Variants in PARD6G observed in about 807,000 individuals in gnomAD.
PARD6G encodes partitioning defective 6 homolog gamma.
A neutral mutation model predicts 10.7 loss-of-function variants in PARD6G; 7 were observed. The ratio of observed to expected loss-of-function variants is 0.66; its 90% CI spans 0.37 to 1.23. The LOEUF (loss-of-function observed/expected upper bound fraction) is 1.23. Among genes scored for constraint, PARD6G ranks in the 50% most tolerant of loss-of-function variants. The probability of loss-of-function intolerance (pLI) is 0.02; values close to 1 mark genes in which losing one functional copy is unlikely to be tolerated. For missense variants in PARD6G, 548 were observed against 571.8 expected (o/e 0.96, Z 0.42); for synonymous variants, 287 against 269.4 (o/e 1.07, Z -0.64).
At chr18:80,216,220 G>A (rs1396424367) in intron 1 of PARD6G, among the ~76,000 whole-genome samples, 1 of 152,032 alleles carries the variant, frequency 6.6e-6, no homozygotes, top group African/African-American at 2.4e-5. Context: ...AATAAAACTA[G>A]GCAGAAGATC....
intron 1 of PARD6G, among the ~76,000 whole-genome samples, chr18:80,237,487 C>G (rs975893251): frequency 6.6e-6 from 1 of 152,146 alleles, no homozygotes; most frequent in Non-Finnish European, 1.5e-5. Context: ...CAACAAAAGC[C>G]AAAATTCGCA....
chr18:80,215,398 T>A lies in PARD6G; in HGVS notation c.73-12466A>T, dbSNP rs559338148. Among the ~76,000 whole-genome samples the A allele has an allele frequency of 1.0e-3, 159 of 152,320 alleles. 1 individual carries two copies. The highest frequency in any genetic ancestry group is 3.6e-3 in the African/African-American group (150 of 41,590). ...TTTGTTTGCTTGTAACTCATTCTTC[T>A]GATTTAAAAGGACAACTGCAGAAAA... is the stretch of plus-strand genomic sequence containing the variant. On this transcript the variant is annotated intron_variant, in intron 1 of 2. Coordinates refer to ENST00000353265, the MANE Select transcript of PARD6G (RefSeq NM_032510.4).
chr18:80,205,183 A>C (rs532521566), intron 1 of PARD6G, among the ~76,000 whole-genome samples: 73 of 152,186 alleles, frequency 4.8e-4, no homozygotes, highest in African/African-American at 1.6e-3. Flanking sequence ...AAACCCTTGA[A>C]ATCTCTCCCC....
At chr18:80,245,513 G>A (rs1967534192) in intron 1 of PARD6G, among the ~76,000 whole-genome samples, 1 of 152,092 alleles carries the variant, frequency 6.6e-6, no homozygotes, top group Non-Finnish European at 1.5e-5. Flanking sequence ...GACCCGCTAA[G>A]GTCTGTGTCC....
intron 2 of PARD6G, among the ~76,000 whole-genome samples, chr18:80,166,792 C>T (rs1391112639): frequency 6.6e-6 from 1 of 151,694 alleles, no homozygotes; most frequent in Admixed American, 6.6e-5. Flanking sequence ...GTCTGGTCCT[C>T]CCCCGACCAT....
intron 2 of PARD6G, among the ~76,000 whole-genome samples, chr18:80,185,745 TGCTC>T (rs1228724232): frequency 7.7e-6 from 1 of 129,376 alleles, no homozygotes; most frequent in Non-Finnish European, 1.6e-5. Flanking sequence ...CACTCAGACA[TGCTC>T]GCACACCCTC....
At chr18:80,207,000 G>A (rs1967061226) in intron 1 of PARD6G, among the ~76,000 whole-genome samples, 1 of 150,456 alleles carries the variant, frequency 6.6e-6, no homozygotes, top group African/African-American at 2.4e-5. Flanking sequence ...GATGGCTAGT[G>A]ATTATCAATA....
At chr18:80,198,766 TG>T (rs1319325174) in intron 2 of PARD6G, among the ~76,000 whole-genome samples, 10 of 152,246 alleles carry the variant, frequency 6.6e-5, no homozygotes, top group Non-Finnish European at 1.5e-5. Flanking sequence ...GGCTGAATTT[TG>T]GAAATAAAGG....
chr18:80,229,160 G>A (rs1360942425), intron 1 of PARD6G, among the ~76,000 whole-genome samples: 1 of 152,136 alleles, frequency 6.6e-6, no homozygotes, highest in Non-Finnish European at 1.5e-5. Context: ...GGCTGGTCTT[G>A]CACTCCTGAC....
chr18:80,167,321 A>G (rs2052743337), intron 2 of PARD6G, among the ~76,000 whole-genome samples: 1 of 147,378 alleles, frequency 6.8e-6, no homozygotes, highest in African/African-American at 2.4e-5. Flanking sequence ...TGTGCAGGAT[A>G]ACACATGGGC....
At chr18:80,204,496 G>A (rs938183115) in intron 1 of PARD6G, among the ~76,000 whole-genome samples, 1 of 151,942 alleles carries the variant, frequency 6.6e-6, no homozygotes, top group Non-Finnish European at 1.5e-5. Context: ...TTGTGAAACT[G>A]AATTGCTCAA....
chr18:80,158,930 T>C lies in PARD6G; in HGVS notation c.*841A>G, dbSNP rs2052674371. ...TCTCCTGTCCCAACCGAATTATGAC[T>C]ATGAACAGTGTGAAAATCTGGAATT... On this transcript the variant is annotated 3_prime_UTR_variant, in exon 3 of 3. Transcript: ENST00000353265. 6.6e-6 allele frequency: 1 copy of C among 151,968 alleles called. No individual in the cohort carries two copies. Among genetic ancestry groups the C allele is most frequent in the African/African-American group, 2.4e-5 (1 of 41,366 alleles). 9.4% of individuals were successfully genotyped at this position (151,968 alleles called of 1,614,324 possible).
At chr18:80,185,765 T>C (rs62101575) in intron 2 of PARD6G, among the ~76,000 whole-genome samples, 6,985 of 82,862 alleles carry the variant, frequency 0.084, 282 homozygotes, top group Middle Eastern at 0.19. Flanking sequence ...CCCTCACACA[T>C]GCATATACCC....
chr18:80,200,241 T>C lies in PARD6G; in HGVS notation c.295+2469A>G, dbSNP rs1364703394. ...GCCCCAAACGCAAACACACAGATTA[T>C]GAAACATCAGCACAGATTACTATGC... On this transcript the variant is annotated intron_variant, in intron 2 of 2. Transcript: ENST00000353265. The surrounding 1 kb of genome is among the most constrained non-coding windows in gnomAD (Gnocchi z 4.4). Among the ~76,000 whole-genome samples the C allele has an allele frequency of 6.6e-6, 1 of 152,110 alleles. No individual in the cohort carries two copies. The highest frequency in any genetic ancestry group is 1.5e-5 in the Non-Finnish European group (1 of 68,024).
chr18:80,194,778 A>G (rs1966935281), intron 2 of PARD6G, among the ~76,000 whole-genome samples: 1 of 152,118 alleles, frequency 6.6e-6, no homozygotes, highest in Admixed American at 6.5e-5. Context: ...TAGGAAAGAG[A>G]TGGACATAAC....
chr18:80,168,573 T>TG (rs2052752119), intron 2 of PARD6G, among the ~76,000 whole-genome samples: 27 of 144,336 alleles, frequency 1.9e-4, no homozygotes, highest in Admixed American at 1.7e-3. Context: ...CAAATTATGT[T>TG]TGTGTGTGTG....
rs751562887 is a variant in PARD6G at position 80,228,954 on chromosome 18, T to C, written c.72+18323A>G. ...AACAGAAGTGGGACTTATTTTATTT[T>C]AGAAGACGGAGTCTCACTCTGTCGC... On this transcript the variant is annotated intron_variant, in intron 1 of 2. Transcript: ENST00000353265. This position sits in a 1 kb window ranked among gnomAD's most constrained non-coding sequence, Gnocchi z 4.6. Among the ~76,000 whole-genome samples the C allele has an allele frequency of 2.0e-5, 3 of 152,232 alleles. No individual in the cohort carries two copies. Among genetic ancestry groups the C allele is most frequent in the Non-Finnish European group, 2.9e-5 (2 of 68,050 alleles).
At position 80,181,138 on chromosome 18, in the gene PARD6G, C is replaced by G. The variant is rs934831842; in HGVS notation, c.296-20532G>C. On this transcript the variant is annotated intron_variant, in intron 2 of 2. Coordinates refer to ENST00000353265, the MANE Select transcript of PARD6G (RefSeq NM_032510.4). This position sits in a 1 kb window ranked among gnomAD's most constrained non-coding sequence, Gnocchi z 7.9. ...CCTGCGGGGGTGGGCCAGGAAGGGG[C>G]GCCACCCTGAAGGCTCAGTCTGTGT... Among the ~76,000 whole-genome samples the G allele has an allele frequency of 6.6e-6, 1 of 152,118 alleles. No homozygotes were observed. The highest frequency in any genetic ancestry group is 2.4e-5 in the African/African-American group (1 of 41,414).
At position 80,246,397 on chromosome 18, in the gene PARD6G, C is replaced by G. The variant is rs1967547308; in HGVS notation, c.72+880G>C. Among the ~76,000 whole-genome samples the G allele has an allele frequency of 6.6e-6, 1 of 152,188 alleles. No homozygotes were observed. The highest frequency in any genetic ancestry group is 2.4e-5 in the African/African-American group (1 of 41,454). ...AAAGGGCAGAAGCGCCAGATCCTAC[C>G]AGCCAATTACCCAGACGCGCATCGC... On this transcript the variant is annotated intron_variant, in intron 1 of 2. Transcript: ENST00000353265. The surrounding 1 kb of genome is among the most constrained non-coding windows in gnomAD (Gnocchi z 6.7).
Sources: gnomAD v4.1 joint callset for allele counts (sites outside exome capture counted in the v4.1 genomes callset) on GRCh38, gnomAD v4.1.1 for gene constraint, Gnocchi (gnomAD v3.1) non-coding constraint, MANE v1.5 for transcripts, NCBI Gene and HGNC (gene_info 2026-07-23, HGNC 2026-07-21) for gene names.